Variants in UBXN4 observed in about 807,000 individuals in gnomAD.
The protein encoded by UBXN4 is UBX domain-containing protein 4.
In UBXN4, 35 loss-of-function variants were observed where a neutral mutation model predicts 66.2. That is an observed-to-expected ratio of 0.53 (90% confidence interval 0.40 to 0.70). The LOEUF (loss-of-function observed/expected upper bound fraction) is 0.70. UBXN4 is among the 30% of genes least tolerant of loss of function. The pLI is 0.00. For missense variants in UBXN4, 533 were observed against 599.8 expected (o/e 0.89, Z 1.16); for synonymous variants, 203 against 204.5 (o/e 0.99, Z 0.06).
At chr2:135,772,930 G>A (rs756685179) in intron 9 of UBXN4, among the ~76,000 whole-genome samples, 1 of 151,692 alleles carries the variant, frequency 6.6e-6, no homozygotes, top group Non-Finnish European at 1.5e-5. Flanking sequence ...CCAGCTACGC[G>A]GGAGGCTGAG....
At chr2:135,755,456 A>G (rs2077273843) in intron 4 of UBXN4, 61 bp from the exon 5 acceptor site, 1 of 1,361,424 alleles carries the variant, frequency 7.3e-7, no homozygotes, top group Non-Finnish European at 9.6e-7. Context: ...TTTGGTCTCT[A>G]CTGCCATGGT....
At chr2:135,743,499 T>A (rs1575311669) in intron 1 of UBXN4, among the ~76,000 whole-genome samples, 1 of 152,218 alleles carries the variant, frequency 6.6e-6, no homozygotes, top group African/African-American at 2.4e-5. Context: ...ATTTTATAGA[T>A]GAGGCACTTA....
chr2:135,752,667 A>G (rs1223138071), intron 2 of UBXN4, among the ~76,000 whole-genome samples: 10 of 152,334 alleles, frequency 6.6e-5, no homozygotes, highest in Admixed American at 3.3e-4. Context: ...GGCAGATACC[A>G]AATTAATTTT....
intron 2 of UBXN4, among the ~76,000 whole-genome samples, chr2:135,750,835 C>CTTTTTTTTTTTT (rs1166056661): frequency 1.3e-5 from 1 of 77,438 alleles, no homozygotes; most frequent in Non-Finnish European, 2.4e-5. Context: ...ATGTGTCTGG[C>CTTTTTTTTTTTT]TTTTTTTTTT....
intron 2 of UBXN4, among the ~76,000 whole-genome samples, chr2:135,751,804 T>C (rs907715174): frequency 1.3e-5 from 2 of 151,994 alleles, no homozygotes; most frequent in Non-Finnish European, 2.9e-5. Context: ...GTTTTTATGA[T>C]AATAATGCTT....
At chr2:135,746,293 G>A (rs2077207174) in intron 1 of UBXN4, among the ~76,000 whole-genome samples, 2 of 152,124 alleles carry the variant, frequency 1.3e-5, no homozygotes, top group South Asian at 2.1e-4. Flanking sequence ...ACTATATTAG[G>A]CATTTAGCTA....
chr2:135,760,601 T>C (rs2077309504), intron 5 of UBXN4, among the ~76,000 whole-genome samples: 1 of 152,220 alleles, frequency 6.6e-6, no homozygotes. Context: ...TTCAACACTT[T>C]TCCCCCAGCT....
intron 9 of UBXN4, among the ~76,000 whole-genome samples, chr2:135,773,023 C>G (rs527275144): frequency 8.8e-6 from 1 of 114,012 alleles, no homozygotes; most frequent in Non-Finnish European, 1.7e-5. Context: ...GGCGACAGAG[C>G]GAGACTCCGT....
At chr2:135,757,776 T>G (rs2077286998) in intron 5 of UBXN4, among the ~76,000 whole-genome samples, 1 of 151,972 alleles carries the variant, frequency 6.6e-6, no homozygotes, top group South Asian at 2.1e-4. Flanking sequence ...TTTTTTTAGC[T>G]TAAAAAAAAT....
intron 10 of UBXN4, among the ~76,000 whole-genome samples, 159 bp from the exon 11 acceptor site, chr2:135,778,789 G>C (rs112541987): frequency 1.3e-5 from 2 of 152,320 alleles, no homozygotes; most frequent in African/African-American, 2.4e-5. Context: ...CTTTTCAGCT[G>C]CTTAGGGGCT....
intron 2 of UBXN4, among the ~76,000 whole-genome samples, chr2:135,752,066 G>GA (rs2077245664): frequency 8.8e-6 from 1 of 113,308 alleles, no homozygotes; most frequent in Non-Finnish European, 1.9e-5. Context: ...TCTTTTTTTT[G>GA]AGACAGAGTC....
chr2:135,776,172 C>A, intron 9 of UBXN4, 77 bp from the exon 10 acceptor site: 1 of 1,228,930 alleles, frequency 8.1e-7, no homozygotes, highest in Non-Finnish European at 1.2e-6. Context: ...TTTCCACTTC[C>A]ATTTTCTCTA....
rs149655604 is a variant in UBXN4, at chr2:135,755,591, G to A, written c.408G>A (p.Ala136=). The stretch of plus-strand genomic sequence containing the variant: ...AAAGTTCAGTGTCTACTCCATCTGC[G>A]TCATTTGAACCTAACAACACTTGTG... The part of the protein sequence containing the change: ...QSESSVSTPS[A]SFEPNNTCEN... Residue 136 remains alanine (A), a synonymous_variant, in exon 5 of 13, where the codon GCG becomes GCA. Coordinates refer to ENST00000272638, the MANE Select transcript of UBXN4 (RefSeq NM_014607.4). The A allele has an allele frequency of 1.5e-4, 235 of 1,610,188 alleles. No homozygotes were observed. The African/African-American group carries it at 2.5e-3, about 17-fold the overall frequency.
At chr2:135,750,787 A>G (rs1002812594) in intron 2 of UBXN4, among the ~76,000 whole-genome samples, 2 of 147,614 alleles carry the variant, frequency 1.4e-5, no homozygotes, top group Non-Finnish European at 3.0e-5. Flanking sequence ...TGTGCAATAC[A>G]TGAGAATTCC....
At chr2:135,742,149 G>A (rs2077178746) in intron 1 of UBXN4, 138 bp downstream of exon 1, 2 of 1,006,488 alleles carry the variant, frequency 2.0e-6, no homozygotes, top group Non-Finnish European at 2.9e-6. Flanking sequence ...CTACTACCCC[G>A]CGCCCCAGGG....
rs539168259 is a variant in UBXN4 at position 135,755,655 on chromosome 2, C to T, written c.472C>T (p.Pro158Ser). The change falls in exon 5 of 13, where the codon CCA becomes TCA. Residue 158 changes from proline (P) to serine (S), a missense_variant. By Grantham distance (74) the Pro-to-Ser change is moderately conservative (BLOSUM62 -1). This residue lies in a region of UBXN4 where 529 missense variants were observed against 580.1 expected (regional missense o/e 0.91). Transcript: ENST00000272638. ...QSRNAELCEI[P>S]PTSDTKSDTA... ...CAGAAATGCAGAGCTTTGTGAGATA[C>T]CACCCACTTCTGATACAAAGTCAGA... The T allele has an allele frequency of 1.3e-6, 2 of 1,580,306 alleles. No homozygotes were observed. The highest frequency in any genetic ancestry group is 2.4e-5 in the South Asian group (2 of 85,018).
chr2:135,748,206 GA>G, intron 1 of UBXN4, 60 bp from the exon 2 acceptor site: 4 of 1,308,816 alleles, frequency 3.1e-6, no homozygotes, highest in Non-Finnish European at 3.1e-6. Context: ...TTTTCCAGGG[GA>G]AAAGAGTTTG....
chr2:135,756,030 A>T (rs556977545), intron 5 of UBXN4, among the ~76,000 whole-genome samples: 12 of 152,306 alleles, frequency 7.9e-5, no homozygotes, highest in African/African-American at 2.6e-4. Flanking sequence ...GAACTAAAGT[A>T]TTATATTTGG....
intron 10 of UBXN4, among the ~76,000 whole-genome samples, chr2:135,777,839 C>T (rs1364533228): frequency 8.0e-5 from 12 of 150,108 alleles, no homozygotes; most frequent in African/African-American, 3.0e-4. Context: ...GCTGAGATTG[C>T]GCCACTGTAC....
Sources: allele counts gnomAD v4.1 joint callset (sites outside exome capture counted in the v4.1 genomes callset), GRCh38; gene constraint gnomAD v4.1.1; regional missense constraint gnomAD v4.1.1; transcripts MANE v1.5; gene names NCBI Gene and HGNC (gene_info 2026-07-23, HGNC 2026-07-21).